The following SMARCA2 variants were observed in gnomAD, a reference collection of about 807,000 sequenced individuals.
SMARCA2 encodes SWI/SNF related BAF chromatin remodeling complex subunit ATPase 2.
Under a neutral mutation model 199.8 loss-of-function variants are expected in SMARCA2, and 61 were observed. The observed-to-expected ratio is 0.31, with a 90% CI of 0.25 to 0.38. SMARCA2 has a LOEUF of 0.38. SMARCA2 is among the 10% of genes least tolerant of loss of function. The pLI, the probability that SMARCA2 is intolerant of heterozygous loss-of-function variation, is 1.00. For missense variants in SMARCA2, 1,344 were observed against 2,012.2 expected (o/e 0.67, Z 6.35); for synonymous variants, 935 against 732.0 (o/e 1.28, Z -4.48).
chr9:2,166,765 T>G (rs1257122056), intron 28 of SMARCA2, among the ~76,000 whole-genome samples: 2 of 152,188 alleles, frequency 1.3e-5, no homozygotes, highest in African/African-American at 2.4e-5. Flanking sequence ...CAGTAATCCT[T>G]AAGGTTGGCT....
chr9:2,170,481 C>G lies in SMARCA2; in HGVS notation c.4253+9C>G, dbSNP rs757009984. ...GAAATAGAAGGAAACAGGTCAGGAT[C>G]TGTCTTGTATTCCCCTATCTCTAAA... On this transcript the variant is annotated intron_variant, in intron 29 of 33. Coordinates refer to ENST00000349721, the MANE Select transcript of SMARCA2 (RefSeq NM_003070.5). This position sits in a 1 kb window ranked among gnomAD's most constrained non-coding sequence, Gnocchi z 4.7. 4 of 1,613,972 alleles carry G rather than the reference C, an allele frequency of 2.5e-6. No individual in the cohort carries two copies. The highest frequency in any genetic ancestry group is 2.2e-5 in the East Asian group (1 of 44,894).
At chr9:2,140,773 G>T (rs1029201174) in intron 27 of SMARCA2, among the ~76,000 whole-genome samples, 1 of 152,120 alleles carries the variant, frequency 6.6e-6, no homozygotes, top group African/African-American at 2.4e-5. Flanking sequence ...CTGTTGTGAG[G>T]CTCAGCTCTT....
intron 26 of SMARCA2, among the ~76,000 whole-genome samples, chr9:2,121,633 T>TA (rs1344985661): frequency 6.6e-6 from 1 of 152,244 alleles, no homozygotes; most frequent in Non-Finnish European, 1.5e-5. Context: ...GAGTTCTCTA[T>TA]AAAATTAATG....
rs777058648 is a variant in SMARCA2, at chr9:2,110,243, G to C, written c.3293-11G>C. ...AGTTAATTGGCAAATTAATTTTTCT[G>C]ATCCCCTCAGGCACCACCAAGTCTG... On this transcript the variant is annotated splice_polypyrimidine_tract_variant and intron_variant, in intron 23 of 33. Coordinates refer to ENST00000349721, the MANE Select transcript of SMARCA2 (RefSeq NM_003070.5). The surrounding 1 kb of genome is among the most constrained non-coding windows in gnomAD (Gnocchi z 4.8). 7.2e-5 allele frequency: 113 copies of C among 1,574,696 alleles called. No individual in the cohort carries two copies. Among genetic ancestry groups the C allele is most frequent in the Non-Finnish European group, 8.4e-5 (98 of 1,164,460 alleles).
At chr9:2,128,012 C>G (rs1288392474) in intron 27 of SMARCA2, among the ~76,000 whole-genome samples, 1 of 152,054 alleles carries the variant, frequency 6.6e-6, no homozygotes, top group East Asian at 1.9e-4. Flanking sequence ...CCTATTTCCA[C>G]TGAGGAAACT....
intron 26 of SMARCA2, among the ~76,000 whole-genome samples, chr9:2,122,056 G>A (rs1180284259): frequency 6.6e-6 from 1 of 152,210 alleles, no homozygotes; most frequent in African/African-American, 2.4e-5. Flanking sequence ...TCTCTAGGGA[G>A]AGATGCAGTT....
chr9:2,161,804 G>A lies in SMARCA2; in HGVS notation c.4100G>A (p.Arg1367Lys). 6.2e-7 allele frequency: 1 copy of A among 1,614,046 alleles called. No homozygotes were observed. Among genetic ancestry groups the A allele is most frequent in the Non-Finnish European group, 8.5e-7 (1 of 1,179,958 alleles). Reference sequence around the variant, plus strand: ...GAAGATGTGGAAAAAGCTAAGAAGAGAAGAGGCCGCCCTCCCGCTGAGAAA... The same window carrying A: ...GAAGATGTGGAAAAAGCTAAGAAGAAAAGAGGCCGCCCTCCCGCTGAGAAA... ...AKEDVEKAKKRRGRPPAEKLS... is the reference protein window; with the variant it reads ...AKEDVEKAKKKRGRPPAEKLS... Residue 1367 changes from arginine to lysine, a missense_variant, in exon 28 of 34, where the codon AGA (arginine) becomes AAA (lysine). Arg to Lys is a conservative substitution (Grantham distance 26). This residue lies in a region of SMARCA2 where 151 missense variants were observed against 154.0 expected (regional missense o/e 0.98). Transcript: ENST00000349721. The surrounding 1 kb of genome is among the most constrained non-coding windows in gnomAD (Gnocchi z 4.7).
At chr9:2,143,312 ATG>A (rs1169972929) in intron 27 of SMARCA2, among the ~76,000 whole-genome samples, 1 of 152,176 alleles carries the variant, frequency 6.6e-6, no homozygotes, top group East Asian at 1.9e-4. Flanking sequence ...GGGAGGAAAA[ATG>A]AGGCTAGGGC....
intron 27 of SMARCA2, among the ~76,000 whole-genome samples, chr9:2,130,624 G>A (rs1050779822): frequency 2.0e-5 from 3 of 152,170 alleles, no homozygotes; most frequent in African/African-American, 7.2e-5. Flanking sequence ...TTCCTATGGT[G>A]TGTGCCCAAG....
intron 27 of SMARCA2, among the ~76,000 whole-genome samples, chr9:2,139,809 AT>A (rs1008739755): frequency 6.6e-6 from 1 of 152,166 alleles, no homozygotes; most frequent in Non-Finnish European, 1.5e-5. Flanking sequence ...ATACCTGGTT[AT>A]TGTTTCACTT....
intron 9 of SMARCA2, among the ~76,000 whole-genome samples, chr9:2,068,609 C>G (rs1288959896): frequency 6.6e-6 from 1 of 152,064 alleles, no homozygotes; most frequent in African/African-American, 2.4e-5. Context: ...CTTAAGTAAA[C>G]AAAGTTGAGT....
At chr9:2,150,399 T>G (rs1825002066) in intron 27 of SMARCA2, among the ~76,000 whole-genome samples, 1 of 151,616 alleles carries the variant, frequency 6.6e-6, no homozygotes, top group South Asian at 2.1e-4. Flanking sequence ...AGAGACAGGG[T>G]ACTCTGAGAA....
intron 29 of SMARCA2, among the ~76,000 whole-genome samples, chr9:2,179,822 A>T (rs1035908837): frequency 6.6e-6 from 1 of 152,216 alleles, no homozygotes; most frequent in African/African-American, 2.4e-5. Flanking sequence ...TAAATCCGCG[A>T]TTACAAAGAG....
At chr9:2,036,598 C>T (rs1819347176) in intron 3 of SMARCA2, among the ~76,000 whole-genome samples, 1 of 152,170 alleles carries the variant, frequency 6.6e-6, no homozygotes. Flanking sequence ...CATACGGTGA[C>T]AGAATGATTC....
At chr9:2,149,189 T>C (rs367990368) in intron 27 of SMARCA2, among the ~76,000 whole-genome samples, 12 of 151,146 alleles carry the variant, frequency 7.9e-5, no homozygotes, top group African/African-American at 2.7e-4. Flanking sequence ...ACTTCTTACA[T>C]GGTGGCGGCA....
intron 9 of SMARCA2, chr9:2,068,869 G>A (rs1001858617): frequency 4.6e-5 from 7 of 151,866 alleles, no homozygotes; most frequent in African/African-American, 9.6e-5. Context: ...ATTATTTTGC[G>A]TATATTACAG....
intron 12 of SMARCA2, chr9:2,075,117 A>C (rs556597685): frequency 6.6e-6 from 1 of 152,436 alleles, no homozygotes; most frequent in Non-Finnish European, 1.5e-5. Flanking sequence ...TGGGCCCATC[A>C]CATGGGTCTG....
At chr9:2,155,757 T>TTTC in intron 27 of SMARCA2, among the ~76,000 whole-genome samples, 1 of 85,786 alleles carries the variant, frequency 1.2e-5, no homozygotes, top group Admixed American at 1.2e-4. Context: ...TTTTTTTTTT[T>TTTC]TCAAAAGTGA....
chr9:2,157,043 G>A (rs999302169), intron 27 of SMARCA2, among the ~76,000 whole-genome samples: 3 of 152,108 alleles, frequency 2.0e-5, no homozygotes, highest in Non-Finnish European at 4.4e-5. Context: ...ACTGTCCAAA[G>A]CCCTGAGTCT....
Sources: gnomAD v4.1 joint callset for allele counts (sites outside exome capture counted in the v4.1 genomes callset) on GRCh38, gnomAD v4.1.1 for gene constraint, gnomAD v4.1.1 regional missense constraint, Gnocchi (gnomAD v3.1) non-coding constraint, MANE v1.5 for transcripts, NCBI Gene and HGNC (gene_info 2026-07-23, HGNC 2026-07-21) for gene names.